The following AMPH variants were observed in gnomAD, a reference collection of about 807,000 sequenced individuals.
AMPH encodes the protein amphiphysin (Stiff-Mann syndrome with breast cancer 128kD autoantigen).
A neutral mutation model predicts 99.1 loss-of-function variants in AMPH; 49 were observed. The observed-to-expected ratio is 0.49, with a 90% CI of 0.39 to 0.63. The LOEUF (loss-of-function observed/expected upper bound fraction) is 0.63. AMPH is among the 20% of genes least tolerant of loss of function. The pLI, the probability that AMPH is intolerant of heterozygous loss-of-function variation, is 0.00. For synonymous variants in AMPH, 314 were observed against 317.3 expected, an observed-to-expected ratio of 0.99 and a Z score of 0.11; for missense variants, 759 against 863.4, an observed-to-expected ratio of 0.88 and a Z score of 1.52.
At chr7:38,594,984 T>G (rs1792999471) in intron 1 of AMPH, among the ~76,000 whole-genome samples, 1 of 152,200 alleles carries the variant, frequency 6.6e-6, no homozygotes, top group Non-Finnish European at 1.5e-5. Context: ...ACTGTTGTGG[T>G]GTACATTACA....
intron 2 of AMPH, among the ~76,000 whole-genome samples, chr7:38,524,595 G>C (rs1790092482): frequency 6.6e-6 from 1 of 150,816 alleles, no homozygotes; most frequent in Non-Finnish European, 1.5e-5. Context: ...TGGATGGATG[G>C]ATGAATAGAT....
chr7:38,449,477 G>A (rs550661223), intron 11 of AMPH, among the ~76,000 whole-genome samples: 2 of 152,348 alleles, frequency 1.3e-5, no homozygotes, highest in East Asian at 3.9e-4. Context: ...AGCTTTCCCT[G>A]TTCTGTAGAC....
At chr7:38,598,096 T>C (rs1392764048) in intron 1 of AMPH, among the ~76,000 whole-genome samples, 2 of 152,248 alleles carry the variant, frequency 1.3e-5, no homozygotes, top group Admixed American at 1.3e-4. Flanking sequence ...TTACATACCT[T>C]TGACTTTATG....
At chr7:38,409,478 A>G (rs1370572361) in intron 17 of AMPH, among the ~76,000 whole-genome samples, 1 of 152,194 alleles carries the variant, frequency 6.6e-6, no homozygotes, top group Non-Finnish European at 1.5e-5. Flanking sequence ...ATTTTCCTTC[A>G]GTGTGACTGT....
At chr7:38,456,358 C>T (rs903685061) in intron 11 of AMPH, among the ~76,000 whole-genome samples, 1 of 152,170 alleles carries the variant, frequency 6.6e-6, no homozygotes, top group African/African-American at 2.4e-5. Context: ...AGGCTGGAAA[C>T]CACCCTACCC....
intron 17 of AMPH, among the ~76,000 whole-genome samples, chr7:38,409,910 C>T (rs577065646): frequency 1.4e-4 from 21 of 152,252 alleles, no homozygotes; most frequent in East Asian, 3.9e-4. Flanking sequence ...TTATCCGCAA[C>T]GCATAGGGGA....
chr7:38,589,551 C>A (rs1049973228), intron 1 of AMPH, among the ~76,000 whole-genome samples: 3 of 152,200 alleles, frequency 2.0e-5, no homozygotes, highest in Non-Finnish European at 4.4e-5. Context: ...TGCATCCAAA[C>A]CATAATGGTC....
intron 12 of AMPH, 21 bp from the exon 13 acceptor site, chr7:38,432,233 A>G: frequency 6.2e-7 from 1 of 1,606,274 alleles, no homozygotes; most frequent in South Asian, 1.1e-5. Context: ...ATAAACAAAA[A>G]TACTGTTAGT....
At chr7:38,498,071 A>G (rs917899008) in intron 3 of AMPH, among the ~76,000 whole-genome samples, 1 of 152,202 alleles carries the variant, frequency 6.6e-6, no homozygotes, top group Non-Finnish European at 1.5e-5. Flanking sequence ...ACATGTCAAA[A>G]ACAAACTCTT....
intron 17 of AMPH, among the ~76,000 whole-genome samples, chr7:38,407,017 G>C (rs1362088864): frequency 9.0e-5 from 2 of 22,292 alleles, no homozygotes; most frequent in African/African-American, 3.7e-4. Context: ...TTCCCTAATA[G>C]ACTCCTCTCT....
intron 11 of AMPH, among the ~76,000 whole-genome samples, chr7:38,449,282 C>G (rs534729426): frequency 6.6e-6 from 1 of 152,176 alleles, no homozygotes. Context: ...TGCTCTCTTT[C>G]GGGTGCTTAC....
intron 4 of AMPH, among the ~76,000 whole-genome samples, chr7:38,492,657 T>G (rs1270877816): frequency 6.6e-6 from 1 of 152,186 alleles, no homozygotes; most frequent in Non-Finnish European, 1.5e-5. Flanking sequence ...ATTCAGTTTC[T>G]TCATCATCAC....
chr7:38,409,515 C>G (rs376928852), intron 17 of AMPH, among the ~76,000 whole-genome samples: 2 of 152,280 alleles, frequency 1.3e-5, no homozygotes, highest in Admixed American at 6.5e-5. Context: ...ATGGTACCCC[C>G]GGTCCCTAGT....
intron 1 of AMPH, among the ~76,000 whole-genome samples, chr7:38,602,312 T>C (rs1407005302): frequency 6.6e-6 from 1 of 152,210 alleles, no homozygotes; most frequent in Non-Finnish European, 1.5e-5. Flanking sequence ...ATAGCTGTTA[T>C]AACAACTACC....
intron 1 of AMPH, among the ~76,000 whole-genome samples, chr7:38,536,632 A>G (rs1425977375): frequency 6.6e-6 from 1 of 152,220 alleles, no homozygotes; most frequent in East Asian, 1.9e-4. Flanking sequence ...TACCAATTAT[A>G]CAATATCACT....
intron 1 of AMPH, among the ~76,000 whole-genome samples, chr7:38,601,257 C>T (rs760990607): frequency 1.4e-4 from 21 of 152,182 alleles, no homozygotes; most frequent in Non-Finnish European, 2.4e-4. Context: ...ACAGTTGTCC[C>T]GAGAATTCAC....
intron 12 of AMPH, 137 bp from the exon 13 acceptor site, chr7:38,432,349 G>T: frequency 2.8e-6 from 2 of 714,330 alleles, no homozygotes; most frequent in Non-Finnish European, 4.8e-6. Context: ...ACTTTTTTTG[G>T]TGAAGGAAAT....
chr7:38,627,529 C>T (rs151018308), intron 1 of AMPH, among the ~76,000 whole-genome samples: 1,676 of 151,736 alleles, frequency 0.011, 38 homozygotes, highest in African/African-American at 0.038. Flanking sequence ...GTGGTGGGCA[C>T]CTGTAGTCCC....
intron 18 of AMPH, chr7:38,392,855 G>A (rs1209802159): frequency 2.0e-5 from 3 of 152,252 alleles, no homozygotes; most frequent in Non-Finnish European, 4.4e-5. Flanking sequence ...CTAGTCCTTC[G>A]CTTGTGATTA....
Sources: gnomAD v4.1 joint callset for allele counts (sites outside exome capture counted in the v4.1 genomes callset) on GRCh38, gnomAD v4.1.1 for gene constraint, MANE v1.5 for transcripts, NCBI Gene and HGNC (gene_info 2026-07-23, HGNC 2026-07-21) for gene names.